CAMSAP1: variants seen among roughly 807,000 people sequenced by gnomAD.
CAMSAP1 encodes the protein calmodulin regulated spectrin associated protein 1.
CAMSAP1 carries 58 observed loss-of-function variants against 143.5 expected under a neutral mutation model. That is an observed-to-expected ratio of 0.40 (90% CI 0.33 to 0.50). CAMSAP1 has a LOEUF of 0.50. CAMSAP1 is among the 20% of genes least tolerant of loss of function. CAMSAP1 has a pLI of 0.45. For synonymous variants in CAMSAP1, 945 were observed against 859.3 expected (o/e 1.10, Z -1.74); for missense variants, 1,969 against 2,115.7 (o/e 0.93, Z 1.36).
At chr9:135,896,674 T>C (rs949038853) in intron 1 of CAMSAP1, among the ~76,000 whole-genome samples, 1 of 152,210 alleles carries the variant, frequency 6.6e-6, no homozygotes, top group African/African-American at 2.4e-5. Flanking sequence ...CTTAATGAAA[T>C]CATATGGGAA....
intron 1 of CAMSAP1, among the ~76,000 whole-genome samples, chr9:135,892,992 G>A (rs1179152628): frequency 2.6e-5 from 4 of 151,822 alleles, no homozygotes; most frequent in African/African-American, 9.7e-5. Context: ...AACATGATGA[G>A]ACCCTATCTC....
rs1461638761 is a variant in CAMSAP1, at chr9:135,851,593, T to G, written c.809-1132A>C. Among the ~76,000 whole-genome samples, 30 of 152,344 alleles carry G rather than the reference T, an allele frequency of 2.0e-4. No individual in the cohort carries two copies. The East Asian group carries it at 5.2e-3, about 26-fold the overall frequency. On this transcript the variant is annotated intron_variant, in intron 5 of 16. Transcript: ENST00000389532. ...CACTGCCACAAACCCTTTCCACTCC[T>G]CCTGAGTATTCTACACACTGTCTGC...
chr9:135,855,775 G>C (rs1000664758), intron 5 of CAMSAP1, among the ~76,000 whole-genome samples: 1 of 145,686 alleles, frequency 6.9e-6, no homozygotes. Context: ...AAAAAAGGCC[G>C]GGTGCGGTGG....
chr9:135,821,721 G>A lies in CAMSAP1; in HGVS notation c.2940C>T (p.Ala980=). The change falls in exon 11 of 17, where the codon GCC becomes GCT. Residue 980 remains alanine, a synonymous_variant. Transcript: ENST00000389532. The surrounding 1 kb of genome is among the most constrained non-coding windows in gnomAD (Gnocchi z 4.6). ...EPQDVDKESL[A]FAQQHKAKDP... is the part of the protein sequence containing the mutation. ...CTTTTGCTTTATGTTGCTGAGCAAA[G>A]GCCAGGCTCTCTTTGTCCACATCCT... is the stretch of plus-strand genomic sequence containing the variant. 6 of 1,614,026 alleles carry A rather than the reference G, an allele frequency of 3.7e-6. No individual in the cohort carries two copies. The highest frequency in any genetic ancestry group is 5.1e-6 in the Non-Finnish European group (6 of 1,179,888).
intron 1 of CAMSAP1, among the ~76,000 whole-genome samples, chr9:135,903,033 T>C (rs1339273377): frequency 6.6e-6 from 1 of 152,204 alleles, no homozygotes; most frequent in Non-Finnish European, 1.5e-5. Flanking sequence ...ACATTGTCCT[T>C]GAGAGATAAT....
In CAMSAP1 at chr9:135,881,910, T is replaced by C. The variant is rs537439582; in HGVS notation, c.424-116A>G. On this transcript the variant is annotated intron_variant, in intron 2 of 16. Coordinates refer to ENST00000389532, the MANE Select transcript of CAMSAP1 (RefSeq NM_015447.4). ...CCTAATTTCTTCATCCCTCGCCCTT[T>C]CCGTCTGAAGAGATACTCAGATTTG... 7 of 1,262,336 alleles carry C rather than the reference T, an allele frequency of 5.5e-6. No homozygotes were observed. The African/African-American group carries it at 1.0e-4, about 19-fold the overall frequency. 78.2% of individuals were successfully genotyped at this position (1,262,336 alleles called of 1,614,324 possible).
At chr9:135,887,104 AGGGG>A (rs1055614315) in intron 1 of CAMSAP1, among the ~76,000 whole-genome samples, 90 of 152,302 alleles carry the variant, frequency 5.9e-4, no homozygotes, top group African/African-American at 2.1e-3. Context: ...ATCGATGCCC[AGGGG>A]GACGAGTCAT....
chr9:135,815,260 C>T (rs369596860), intron 15 of CAMSAP1, 45 bp from the exon 16 acceptor site: 12 of 1,296,030 alleles, frequency 9.3e-6, no homozygotes, highest in South Asian at 1.4e-5. Context: ...TTTTAAGGCA[C>T]GAACACACAC....
rs763479863 is a variant in CAMSAP1, at chr9:135,811,151, G to A, written c.*158C>T. 1 of 833,582 alleles carries A rather than the reference G, an allele frequency of 1.2e-6. No homozygotes were observed. 51.6% of individuals were successfully genotyped at this position (833,582 alleles called of 1,614,324 possible). On this transcript the variant is annotated 3_prime_UTR_variant, in exon 17 of 17. Transcript: ENST00000389532. This position sits in a 1 kb window ranked among gnomAD's most constrained non-coding sequence, Gnocchi z 4.9. ...GCTGAGAGAGGGGTTTTCTTCTGCT[G>A]TCTAGAAACCTCTTTGCAAAAGGTC... is the stretch of plus-strand genomic sequence containing the variant.
At chr9:135,883,169 G>C in intron 1 of CAMSAP1, 91 bp from the exon 2 acceptor site, 3 of 1,407,276 alleles carry the variant, frequency 2.1e-6, no homozygotes, top group Non-Finnish European at 2.9e-6. Context: ...CTGTGCCACT[G>C]TACTCCAGCC....
chr9:135,859,250 A>G (rs1264594664), intron 5 of CAMSAP1, among the ~76,000 whole-genome samples: 1 of 152,202 alleles, frequency 6.6e-6, no homozygotes, highest in Non-Finnish European at 1.5e-5. Context: ...ACTGTCTGTA[A>G]GTGAGCAGAT....
rs1034842068 is a variant in CAMSAP1, at chr9:135,823,009, A to G, written c.1652T>C (p.Val551Ala). 1.9e-6 allele frequency: 3 copies of G among 1,613,694 alleles called. No individual in the cohort carries two copies. The African/African-American group carries it at 4.0e-5, about 22-fold the overall frequency. Residue 551 changes from valine (V) to alanine (A), a missense_variant, in exon 11 of 17, where the codon GTT (valine) becomes GCT (alanine). Transcript: ENST00000389532. ...GAACTCCGGGTCAGCCTGCTGGGGA[A>G]CCACGTCTGCTCTAACAATAGCCAC... is the stretch of plus-strand genomic sequence containing the variant. Reference protein sequence around the residue: ...ELVAIVRADVVPQQADPEFPR... With the variant: ...ELVAIVRADVAPQQADPEFPR...
chr9:135,896,838 G>C (rs1002220996), intron 1 of CAMSAP1, among the ~76,000 whole-genome samples: 2 of 152,134 alleles, frequency 1.3e-5, no homozygotes, highest in African/African-American at 2.4e-5. Flanking sequence ...GGGGCCTTTC[G>C]GGGGTGAATA....
chr9:135,880,719 C>G (rs1203962826), intron 3 of CAMSAP1, among the ~76,000 whole-genome samples: 1 of 152,194 alleles, frequency 6.6e-6, no homozygotes, highest in Non-Finnish European at 1.5e-5. Flanking sequence ...GCCTCTTATT[C>G]AGGCGCGCTA....
rs764682624 is a variant in CAMSAP1, at chr9:135,824,016, T to C, written c.1334A>G (p.Asn445Ser). 6.3e-6 allele frequency: 10 copies of C among 1,585,498 alleles called. No individual in the cohort carries two copies. In the South Asian group the frequency reaches 9.3e-5, roughly 15 times the overall value. ...EDIPDQRHRS[N>S]SLTRVDGQPR... ...CTGACCATCAACTCGGGTCAAAGAA[T>C]TCGATCGATGTCGCTGATCTGCAGT... The change falls in exon 10 of 17, where the codon AAT becomes AGT. Residue 445 changes from asparagine to serine, a missense_variant. Asn to Ser is a conservative substitution (Grantham distance 46). This residue lies in a region of CAMSAP1 where 1,390 missense variants were observed against 1,420.8 expected (regional missense o/e 0.98). Coordinates refer to ENST00000389532, the MANE Select transcript of CAMSAP1 (RefSeq NM_015447.4). The surrounding 1 kb of genome is among the most constrained non-coding windows in gnomAD (Gnocchi z 4.1).
chr9:135,893,548 G>C (rs2131012391), intron 1 of CAMSAP1, among the ~76,000 whole-genome samples: 1 of 152,312 alleles, frequency 6.6e-6, no homozygotes, highest in South Asian at 2.1e-4. Flanking sequence ...CATCCTGAGT[G>C]AAGAACAATG....
chr9:135,860,021 A>T (rs1223261561), intron 5 of CAMSAP1, among the ~76,000 whole-genome samples: 1 of 148,934 alleles, frequency 6.7e-6, no homozygotes, highest in Admixed American at 6.7e-5. Flanking sequence ...CCCAGGCAAC[A>T]TGGCAAAACC....
chr9:135,819,157 G>C lies in CAMSAP1; in HGVS notation c.3823-11C>G. The stretch of plus-strand genomic sequence containing the variant: ...CGCTTTCTGTTCATCCTGCAAGACA[G>C]AGGCCACACAGAGCATGACAGGAAC... On this transcript the variant is annotated splice_polypyrimidine_tract_variant and intron_variant, in intron 11 of 16. Transcript: ENST00000389532. 1.3e-6 allele frequency: 2 copies of C among 1,599,158 alleles called. No homozygotes were observed. Among genetic ancestry groups the C allele is most frequent in the Non-Finnish European group, 1.7e-6 (2 of 1,174,432 alleles).
chr9:135,879,667 A>C (rs1837870835), intron 3 of CAMSAP1, among the ~76,000 whole-genome samples: 1 of 150,490 alleles, frequency 6.6e-6, no homozygotes, highest in South Asian at 2.1e-4. Flanking sequence ...AGATTTGGCC[A>C]AAAAAAAACA....
Sources: gnomAD v4.1 joint callset for allele counts (sites outside exome capture counted in the v4.1 genomes callset) on GRCh38, gnomAD v4.1.1 for gene constraint, gnomAD v4.1.1 regional missense constraint, Gnocchi (gnomAD v3.1) non-coding constraint, MANE v1.5 for transcripts, NCBI Gene and HGNC (gene_info 2026-07-23, HGNC 2026-07-21) for gene names.